MED12L: variants seen among roughly 807,000 people sequenced by gnomAD.
MED12L encodes the protein mediator complex subunit 12L.
A neutral mutation model predicts 281.3 loss-of-function variants in MED12L; 60 were observed. The ratio of observed to expected loss-of-function variants is 0.21; its 90% CI spans 0.17 to 0.26. The LOEUF (loss-of-function observed/expected upper bound fraction) is 0.26. Among genes scored for constraint, MED12L ranks in the 10% least tolerant of loss-of-function variants. The pLI, the probability that MED12L is intolerant of heterozygous loss-of-function variation, is 1.00. For synonymous variants in MED12L, 974 were observed against 987.2 expected (o/e 0.99, Z 0.25); for missense variants, 2,146 against 2,680.9 (o/e 0.80, Z 4.41).
chr3:151,261,929 G>A (rs564229411), intron 16 of MED12L, among the ~76,000 whole-genome samples: 6 of 152,034 alleles, frequency 3.9e-5, no homozygotes, highest in African/African-American at 9.7e-5. Context: ...GTTTCACCAC[G>A]TTGGCCAGGC....
intron 5 of MED12L, among the ~76,000 whole-genome samples, chr3:151,142,837 A>G (rs2148874115): frequency 6.6e-6 from 1 of 152,232 alleles, no homozygotes; most frequent in Non-Finnish European, 1.5e-5. Flanking sequence ...TTTTAATTAA[A>G]AAGAAGTACA....
rs756004809 is a variant in MED12L, at chr3:151,098,730, A to ATTAATTTGT, written c.99+11705_99+11706insTTAATTTGT. On this transcript the variant is annotated intron_variant, in intron 2 of 44. Transcript: ENST00000687756. The stretch of plus-strand genomic sequence containing the variant: ...TTTTTCCAAATGAGGTCACATTAAC[A>ATTAATTTGT]GGTTGTGGGATTTGATGTGAATATC... Among the ~76,000 whole-genome samples, 809 of 152,234 alleles carry ATTAATTTGT rather than the reference A, an allele frequency of 5.3e-3. 14 individuals are homozygous for ATTAATTTGT. The highest frequency in any genetic ancestry group is 0.044 in the South Asian group (211 of 4,822).
intron 38 of MED12L, among the ~76,000 whole-genome samples, chr3:151,390,454 T>C (rs563373245): frequency 1.3e-5 from 2 of 152,366 alleles, no homozygotes; most frequent in South Asian, 4.1e-4. Context: ...ATAATTCTTA[T>C]TGGCATTTTA....
intron 21 of MED12L, among the ~76,000 whole-genome samples, chr3:151,363,371 A>G (rs967803134): frequency 2.6e-5 from 4 of 152,122 alleles, no homozygotes; most frequent in African/African-American, 4.8e-5. Flanking sequence ...CTGAACCACC[A>G]TTCATAAAGT....
intron 16 of MED12L, among the ~76,000 whole-genome samples, chr3:151,341,592 T>TATA (rs1427616700): frequency 6.6e-6 from 1 of 151,588 alleles, no homozygotes; most frequent in Non-Finnish European, 1.5e-5. Context: ...TTATTATTAT[T>TATA]ATACGTTAAG....
chr3:151,331,406 T>G (rs1023097315), intron 16 of MED12L, among the ~76,000 whole-genome samples: 5 of 152,196 alleles, frequency 3.3e-5, no homozygotes, highest in Non-Finnish European at 7.4e-5. Context: ...GCAAGCTGCT[T>G]ATGCCCACTA....
At chr3:151,115,553 G>A (rs1712638058) in intron 2 of MED12L, among the ~76,000 whole-genome samples, 1 of 151,084 alleles carries the variant, frequency 6.6e-6, no homozygotes, top group East Asian at 2.0e-4. Flanking sequence ...CCCCATTTTG[G>A]CCAGGCTGGT....
At chr3:151,167,809 A>G (rs947390795) in intron 11 of MED12L, among the ~76,000 whole-genome samples, 1 of 152,184 alleles carries the variant, frequency 6.6e-6, no homozygotes, top group African/African-American at 2.4e-5. Flanking sequence ...TTTCTTAGAT[A>G]AAAGACTTCA....
At position 151,137,695 on chromosome 3, in the gene MED12L, A is replaced by G. The variant is rs188444537; in HGVS notation, c.556+9711A>G. Among the ~76,000 whole-genome samples the G allele has an allele frequency of 1.0e-3, 159 of 152,330 alleles. 1 individual carries two copies. Among genetic ancestry groups the G allele is most frequent in the African/African-American group, 3.7e-3 (152 of 41,568 alleles). On this transcript the variant is annotated intron_variant, in intron 5 of 44. Coordinates refer to ENST00000687756, the MANE Select transcript of MED12L (RefSeq NM_001393769.1). ...TTTATGTTTATTTCATTTCTATTAC[A>G]TGAACAATCAAATGATTTCTAGTAA...
At chr3:151,329,503 C>G (rs1750108844) in intron 16 of MED12L, 1 of 1,548,134 alleles carries the variant, frequency 6.5e-7, no homozygotes, top group South Asian at 1.2e-5. Flanking sequence ...ACTCAGTTCT[C>G]TCTGTCTTCT....
chr3:151,380,605 A>G (rs1430627127), intron 32 of MED12L, among the ~76,000 whole-genome samples: 1 of 151,982 alleles, frequency 6.6e-6, no homozygotes, highest in Non-Finnish European at 1.5e-5. Context: ...CTCAAAAAAA[A>G]AAAAAAAAAA....
intron 11 of MED12L, among the ~76,000 whole-genome samples, chr3:151,174,095 C>T (rs1299755765): frequency 2.0e-5 from 3 of 152,038 alleles, no homozygotes; most frequent in Admixed American, 6.6e-5. Context: ...AGTTGAGCAC[C>T]CCAGTTTGAA....
At chr3:151,388,259 AC>A in intron 37 of MED12L, 87 bp downstream of exon 37, 1 of 1,474,010 alleles carries the variant, frequency 6.8e-7, no homozygotes, top group Non-Finnish European at 9.0e-7. Flanking sequence ...TCGAAACATT[AC>A]CAAGAGCAGG....
At chr3:151,210,069 C>T (rs144339535) in intron 16 of MED12L, among the ~76,000 whole-genome samples, 87 of 152,316 alleles carry the variant, frequency 5.7e-4, no homozygotes, top group African/African-American at 2.1e-3. Context: ...GCTTTAGGCT[C>T]TCTTTCCTAT....
At chr3:151,380,777 C>G (rs1712172867) in intron 32 of MED12L, among the ~76,000 whole-genome samples, 1 of 152,138 alleles carries the variant, frequency 6.6e-6, no homozygotes, top group Admixed American at 6.5e-5. Flanking sequence ...TTATATATTG[C>G]ATATAACTTT....
chr3:151,242,716 C>G (rs1364760130), intron 16 of MED12L, among the ~76,000 whole-genome samples: 2 of 152,214 alleles, frequency 1.3e-5, no homozygotes. Context: ...CGCCTCTCCT[C>G]CTCCAAAGGA....
rs368932428 is a variant in MED12L, at chr3:151,434,947, G to A, written c.*2143G>A. On this transcript the variant is annotated 3_prime_UTR_variant, in exon 45 of 45. Coordinates refer to ENST00000687756, the MANE Select transcript of MED12L (RefSeq NM_001393769.1). ...ATGCTACGACTCTAATTAATTCCAC[G>A]ATTCTATTGAAAGTTGAGGAATGCT... 1.2e-4 allele frequency: 18 copies of A among 151,852 alleles called. No individual in the cohort carries two copies. Among genetic ancestry groups the A allele is most frequent in the African/African-American group, 4.4e-4 (18 of 41,344 alleles). 9.4% of individuals were successfully genotyped at this position (151,852 alleles called of 1,614,324 possible).
chr3:151,220,472 G>A (rs1224513683), intron 16 of MED12L, among the ~76,000 whole-genome samples: 1 of 152,142 alleles, frequency 6.6e-6, no homozygotes, highest in African/African-American at 2.4e-5. Flanking sequence ...ACGTGATATG[G>A]TTTGGCTCTG....
intron 16 of MED12L, among the ~76,000 whole-genome samples, chr3:151,228,920 G>A (rs956190354): frequency 6.6e-6 from 1 of 152,030 alleles, no homozygotes; most frequent in Non-Finnish European, 1.5e-5. Flanking sequence ...ACCTCTTTTC[G>A]CCTCACTGAG....
Sources: gnomAD v4.1 joint callset for allele counts (sites outside exome capture counted in the v4.1 genomes callset) on GRCh38, gnomAD v4.1.1 for gene constraint, MANE v1.5 for transcripts, NCBI Gene and HGNC (gene_info 2026-07-23, HGNC 2026-07-21) for gene names.